The following THSD7B variants were observed in gnomAD, a reference collection of about 807,000 sequenced individuals.
The protein encoded by THSD7B is thrombospondin type-1 domain-containing protein 7B.
THSD7B carries 138 observed loss-of-function variants against 213.6 expected under a neutral mutation model. That is an observed-to-expected ratio of 0.65 (90% CI 0.56 to 0.74). THSD7B has a LOEUF of 0.74. Ranked by LOEUF, THSD7B falls within the 30% of genes least tolerant of loss-of-function variation. The probability of loss-of-function intolerance (pLI) is 0.00; values close to 1 mark genes in which losing one functional copy is unlikely to be tolerated. For synonymous variants in THSD7B, 742 were observed against 687.0 expected (o/e 1.08, Z -1.25); for missense variants, 1,931 against 1,991.5 (o/e 0.97, Z 0.58).
chr2:137,565,056 G>T (rs1405386228), intron 16 of THSD7B, among the ~76,000 whole-genome samples: 1 of 152,014 alleles, frequency 6.6e-6, no homozygotes. Flanking sequence ...ACACATAAAG[G>T]AAAGACCATG....
intron 2 of THSD7B, among the ~76,000 whole-genome samples, chr2:136,980,052 A>G (rs1300037461): frequency 6.6e-6 from 1 of 150,576 alleles, no homozygotes; most frequent in African/African-American, 2.4e-5. Flanking sequence ...CTGGGGGTTC[A>G]CTCCATACCC....
chr2:136,977,135 A>G (rs1685494791), intron 2 of THSD7B, among the ~76,000 whole-genome samples: 1 of 152,086 alleles, frequency 6.6e-6, no homozygotes, highest in African/African-American at 2.4e-5. Flanking sequence ...TACTGCCTCA[A>G]TTTCAGAACT....
chr2:136,808,091 C>T (rs1682316300), intron 1 of THSD7B, among the ~76,000 whole-genome samples: 1 of 152,186 alleles, frequency 6.6e-6, no homozygotes, highest in South Asian at 2.1e-4. Flanking sequence ...GCTTTGCTGC[C>T]ATCTCCCACT....
At chr2:137,456,777 T>G (rs1476927281) in intron 15 of THSD7B, among the ~76,000 whole-genome samples, 1 of 152,214 alleles carries the variant, frequency 6.6e-6, no homozygotes, top group Non-Finnish European at 1.5e-5. Context: ...TGCAGAGTGA[T>G]TTATTCCTCA....
chr2:137,152,308 A>G (rs1236320732), intron 5 of THSD7B, among the ~76,000 whole-genome samples: 2 of 151,910 alleles, frequency 1.3e-5, no homozygotes, highest in Non-Finnish European at 2.9e-5. Flanking sequence ...ATTTTATCTC[A>G]TTTCACATAT....
chr2:137,079,495 T>C (rs76997432), intron 3 of THSD7B, among the ~76,000 whole-genome samples: 2 of 152,222 alleles, frequency 1.3e-5, no homozygotes, highest in African/African-American at 4.8e-5. Flanking sequence ...TAATGCTTTT[T>C]GTCTTGAATT....
chr2:137,575,663 A>C (rs1681442758), intron 17 of THSD7B, among the ~76,000 whole-genome samples: 1 of 151,160 alleles, frequency 6.6e-6, no homozygotes, highest in Admixed American at 6.6e-5. Flanking sequence ...AATTTGAAGA[A>C]AATGAAAAAC....
intron 21 of THSD7B, among the ~76,000 whole-genome samples, chr2:137,651,267 T>G (rs1683132311): frequency 6.6e-6 from 1 of 152,078 alleles, no homozygotes; most frequent in South Asian, 2.1e-4. Flanking sequence ...ACTCGTTTGT[T>G]GCCATTTTCT....
chr2:136,773,184 T>C (rs1681538297), intron 1 of THSD7B, among the ~76,000 whole-genome samples: 1 of 152,042 alleles, frequency 6.6e-6, no homozygotes, highest in African/African-American at 2.4e-5. Context: ...GATGTGCACA[T>C]TGAATATTAG....
At chr2:137,546,463 A>T (rs76476661) in intron 15 of THSD7B, among the ~76,000 whole-genome samples, 2 of 20,752 alleles carry the variant, frequency 9.6e-5, no homozygotes, top group South Asian at 1.8e-3. Flanking sequence ...TATTATATAT[A>T]ATATATATAT....
chr2:137,486,376 A>G (rs1413338999), intron 15 of THSD7B, among the ~76,000 whole-genome samples: 2 of 150,428 alleles, frequency 1.3e-5, no homozygotes, highest in African/African-American at 4.9e-5. Flanking sequence ...CTTTAAACCA[A>G]CAAAGATCAA....
chr2:137,668,610 G>T (rs1683497501), intron 27 of THSD7B, among the ~76,000 whole-genome samples: 1 of 151,964 alleles, frequency 6.6e-6, no homozygotes, highest in South Asian at 2.1e-4. Flanking sequence ...GGAGGACTGG[G>T]GTGCCTACTC....
chr2:137,376,042 T>C (rs1276564962), intron 12 of THSD7B, among the ~76,000 whole-genome samples: 5 of 152,184 alleles, frequency 3.3e-5, no homozygotes, highest in Non-Finnish European at 7.3e-5. Context: ...GGAAAATAAA[T>C]GTGGATATTG....
intron 2 of THSD7B, among the ~76,000 whole-genome samples, chr2:136,992,405 G>A (rs1419869319): frequency 3.9e-5 from 6 of 152,186 alleles, no homozygotes; most frequent in Admixed American, 1.3e-4. Flanking sequence ...CTATTCCAGA[G>A]GTATATATGT....
At chr2:136,996,514 A>G (rs1685893278) in intron 2 of THSD7B, among the ~76,000 whole-genome samples, 1 of 151,882 alleles carries the variant, frequency 6.6e-6, no homozygotes, top group Non-Finnish European at 1.5e-5. Flanking sequence ...GCTAATTAAA[A>G]AAAAATTATT....
intron 7 of THSD7B, among the ~76,000 whole-genome samples, chr2:137,180,632 T>C (rs1030633975): frequency 6.6e-6 from 1 of 152,160 alleles, no homozygotes; most frequent in Non-Finnish European, 1.5e-5. Flanking sequence ...ATTCCAAATT[T>C]ACTGATGAGA....
At chr2:137,369,254 C>T (rs912512379) in intron 12 of THSD7B, among the ~76,000 whole-genome samples, 3 of 151,936 alleles carry the variant, frequency 2.0e-5, no homozygotes, top group African/African-American at 2.4e-5. Context: ...GCCTCACAGT[C>T]GCTAATGAGT....
chr2:137,534,889 T>C (rs1680472664), intron 15 of THSD7B, among the ~76,000 whole-genome samples: 1 of 151,846 alleles, frequency 6.6e-6, no homozygotes, highest in Non-Finnish European at 1.5e-5. Context: ...TGTTTAATTA[T>C]AAAATTTCAC....
intron 10 of THSD7B, among the ~76,000 whole-genome samples, chr2:137,255,092 CA>C (rs1682275054): frequency 6.6e-6 from 1 of 152,166 alleles, no homozygotes; most frequent in Non-Finnish European, 1.5e-5. Flanking sequence ...ATATGACCAA[CA>C]AGGTCATACA....
Sources: allele counts gnomAD v4.1 joint callset (sites outside exome capture counted in the v4.1 genomes callset), GRCh38; gene constraint gnomAD v4.1.1; transcripts MANE v1.5; gene names NCBI Gene and HGNC (gene_info 2026-07-23, HGNC 2026-07-21).